The following STARD13 variants were observed in gnomAD, a reference collection of about 807,000 sequenced individuals.
STARD13 encodes StAR related lipid transfer domain containing 13, also known as stAR-related lipid transfer protein 13.
A neutral mutation model predicts 106.4 loss-of-function variants in STARD13; 62 were observed. The observed-to-expected ratio is 0.58, with a 90% CI of 0.48 to 0.72. STARD13 has a LOEUF of 0.72. Ranked by LOEUF, STARD13 falls within the 30% of genes least tolerant of loss-of-function variation. STARD13 has a pLI of 0.00. For synonymous variants in STARD13, 565 were observed against 553.0 expected (o/e 1.02, Z -0.31); for missense variants, 1,387 against 1,424.0 (o/e 0.97, Z 0.42).
In STARD13 at chr13:33,296,960, C is replaced by T. The variant is rs956061837; in HGVS notation, c.124+53330G>A. On this transcript the variant is annotated intron_variant, in intron 1 of 5. Coordinates refer to the STARD13 transcript ENST00000567873. The stretch of plus-strand genomic sequence containing the variant: ...AATTCCACATGTAAATGAGATCATG[C>T]GTCATTGGTCTTTCTCTGTCTGGCT... Among the ~76,000 whole-genome samples the T allele has an allele frequency of 5.3e-5, 8 of 152,312 alleles. No homozygotes were observed. In the South Asian group the frequency reaches 6.2e-4, roughly 12 times the overall value.
At chr13:33,119,573 G>T (rs560021761) in intron 7 of STARD13, among the ~76,000 whole-genome samples, 88 of 152,184 alleles carry the variant, frequency 5.8e-4, no homozygotes, top group Non-Finnish European at 1.1e-3. Flanking sequence ...GCAGGGGAAG[G>T]ATTCCAAGCC....
At chr13:33,250,729 T>C (rs1036286431) in intron 1 of STARD13, among the ~76,000 whole-genome samples, 38 of 152,240 alleles carry the variant, frequency 2.5e-4, no homozygotes, top group African/African-American at 9.2e-4. Flanking sequence ...TCTTTAAATA[T>C]TCTCAGTCTG....
the STARD13 span, among the ~76,000 whole-genome samples, chr13:33,555,190 G>A: frequency 1.2e-4 from 19 of 152,208 alleles, no homozygotes; most frequent in Non-Finnish European, 2.6e-4. Flanking sequence ...GGTGTTAGGT[G>A]CCCTCTCAAT....
At chr13:33,434,735 T>A in the STARD13 span, among the ~76,000 whole-genome samples, 4 of 152,334 alleles carry the variant, frequency 2.6e-5, no homozygotes, top group East Asian at 7.7e-4. Context: ...CTTAACTTTA[T>A]TAATATAACA....
chr13:33,166,514 C>T (rs1421876589), intron 2 of STARD13, among the ~76,000 whole-genome samples: 1 of 152,128 alleles, frequency 6.6e-6, no homozygotes, highest in Non-Finnish European at 1.5e-5. Flanking sequence ...CCCTGTCCTG[C>T]CTGCACCTTT....
intron 1 of STARD13, among the ~76,000 whole-genome samples, chr13:33,293,185 A>G (rs1410118004): frequency 6.6e-6 from 1 of 152,086 alleles, no homozygotes; most frequent in Non-Finnish European, 1.5e-5. Flanking sequence ...CCAATTTATA[A>G]TTACATATGT....
At chr13:33,215,223 G>T (rs982933334) in intron 1 of STARD13, among the ~76,000 whole-genome samples, 2 of 151,914 alleles carry the variant, frequency 1.3e-5, no homozygotes, top group Non-Finnish European at 2.9e-5. Flanking sequence ...AAGACCTGAG[G>T]TTTCATCTGC....
chr13:33,253,969 A>G (rs1890211758), intron 1 of STARD13, among the ~76,000 whole-genome samples: 1 of 152,240 alleles, frequency 6.6e-6, no homozygotes, highest in South Asian at 2.1e-4. Context: ...TTGGTGATCA[A>G]ATTGTAAAAT....
chr13:33,478,192 C>T, the STARD13 span, among the ~76,000 whole-genome samples: 1 of 152,186 alleles, frequency 6.6e-6, no homozygotes, highest in Non-Finnish European at 1.5e-5. Flanking sequence ...CAATGCAGCA[C>T]CCAATCAAGC....
chr13:33,583,503 T>A, the STARD13 span, among the ~76,000 whole-genome samples: 1,873 of 152,310 alleles, frequency 0.012, 43 homozygotes, highest in African/African-American at 0.043. Flanking sequence ...GCTCCTATAT[T>A]TTAGTCTACA....
the STARD13 span, among the ~76,000 whole-genome samples, chr13:33,455,259 A>C: frequency 6.6e-6 from 1 of 152,228 alleles, no homozygotes; most frequent in Non-Finnish European, 1.5e-5. Context: ...CATCTCCAAA[A>C]GTAAGTGTCA....
chr13:33,608,958 C>T, the STARD13 span, among the ~76,000 whole-genome samples: 3 of 151,286 alleles, frequency 2.0e-5, no homozygotes, highest in South Asian at 2.1e-4. Context: ...TGGTGGCGGG[C>T]GCCTGTAGTC....
chr13:33,390,406 C>T, the STARD13 span, among the ~76,000 whole-genome samples: 5 of 152,154 alleles, frequency 3.3e-5, no homozygotes, highest in African/African-American at 1.2e-4. Context: ...CTCCCTGGAA[C>T]ACCTGACTTT....
chr13:33,375,357 G>C, the STARD13 span, among the ~76,000 whole-genome samples: 7 of 152,164 alleles, frequency 4.6e-5, no homozygotes, highest in Admixed American at 6.5e-5. Flanking sequence ...AGGAGGAAAA[G>C]TAAAAAATGC....
chr13:33,440,475 T>C, the STARD13 span, among the ~76,000 whole-genome samples: 2 of 151,826 alleles, frequency 1.3e-5, no homozygotes, highest in Admixed American at 1.3e-4. Flanking sequence ...TCTGCAACTT[T>C]ATCCTTCTGG....
the STARD13 span, among the ~76,000 whole-genome samples, chr13:33,370,241 A>G: frequency 3.9e-5 from 6 of 152,212 alleles, no homozygotes; most frequent in African/African-American, 1.2e-4. Flanking sequence ...GTAAACAGCT[A>G]TACTAACCAC....
At chr13:33,545,626 TG>T in the STARD13 span, among the ~76,000 whole-genome samples, 40 of 152,216 alleles carry the variant, frequency 2.6e-4, no homozygotes, top group Non-Finnish European at 5.4e-4. Flanking sequence ...TTTTCAGACA[TG>T]GGGGTGGATC....
rs1875702123 is a variant in STARD13, at chr13:33,118,244, G to A, written c.2102C>T (p.Ser701Leu). The change falls in exon 8 of 14, where the codon TCA becomes TTA. Residue 701 changes from serine to leucine, a missense_variant. Transcript: ENST00000336934. ...CLDQVGLFRK[S>L]GVKSRIHALR... The stretch of plus-strand genomic sequence containing the variant: ...GGCATGGATTCGAGACTTCACTCCT[G>A]ATTTGCGAAAAAGACCCACCTGAAA... 6.2e-7 allele frequency: 1 copy of A among 1,614,034 alleles called. No homozygotes were observed. The highest frequency in any genetic ancestry group is 8.5e-7 in the Non-Finnish European group (1 of 1,180,030).
At chr13:33,357,121 A>T in the STARD13 span, among the ~76,000 whole-genome samples, 2 of 152,252 alleles carry the variant, frequency 1.3e-5, no homozygotes, top group South Asian at 2.1e-4. Flanking sequence ...ATGCATAAAA[A>T]GATATTTATT....
Sources: allele counts gnomAD v4.1 joint callset (sites outside exome capture counted in the v4.1 genomes callset), GRCh38; gene constraint gnomAD v4.1.1; transcripts MANE v1.5; gene names NCBI Gene and HGNC (gene_info 2026-07-23, HGNC 2026-07-21).